Variants in LAMA4 observed in about 807,000 individuals in gnomAD.
LAMA4 encodes the protein laminin subunit alpha 4.
A neutral mutation model predicts 207.1 loss-of-function variants in LAMA4; 127 were observed. The ratio of observed to expected loss-of-function variants is 0.61; its 90% CI spans 0.53 to 0.71. The LOEUF is 0.71. Ranked by LOEUF, LAMA4 falls within the 30% of genes least tolerant of loss-of-function variation. The pLI is 0.00. For synonymous variants in LAMA4, 761 were observed against 816.0 expected (o/e 0.93, Z 1.15); for missense variants, 2,093 against 2,246.5 (o/e 0.93, Z 1.38).
chr6:112,172,479 A>G (rs1781771653), intron 12 of LAMA4, 132 bp downstream of exon 12: 1 of 830,250 alleles, frequency 1.2e-6, no homozygotes, highest in South Asian at 1.6e-5. Context: ...GCACCAAAAA[A>G]CACACCAATA....
At position 112,254,358 on chromosome 6, in the gene LAMA4, T is replaced by G. The variant is rs983608512; in HGVS notation, c.-141-67A>C. On this transcript the variant is annotated intron_variant, in intron 1 of 38. Coordinates refer to ENST00000230538, the MANE Select transcript of LAMA4 (RefSeq NM_001105206.3). ...CAGCCTCTCTCTCCCTCTCTCTCTC[T>G]CCCCTTCTCCCCCTCTCTCTCCCTC... 24 of 606,986 alleles carry G rather than the reference T, an allele frequency of 4.0e-5. No homozygotes were observed. In the African/African-American group the frequency reaches 4.4e-4, roughly 11 times the overall value. 37.6% of individuals were successfully genotyped at this position (606,986 alleles called of 1,614,324 possible). A position where few individuals can be genotyped will look rare whatever the true frequency, so the allele number is the denominator to read the frequency against.
chr6:112,140,878 C>T lies in LAMA4; in HGVS notation c.2858G>A (p.Ser953Asn), dbSNP rs782211121. 1 of 1,613,846 alleles carries T rather than the reference C, an allele frequency of 6.2e-7. No homozygotes were observed. Among genetic ancestry groups the T allele is most frequent in the African/African-American group, 1.3e-5 (1 of 74,900 alleles). The change falls in exon 22 of 39, where the codon AGT (serine) becomes AAT (asparagine). Residue 953 changes from serine (S) to asparagine (N), a missense_variant. This residue lies in a region of LAMA4 where 1,704 missense variants were observed against 1,788.4 expected (regional missense o/e 0.95). Transcript: ENST00000230538. ...AATGAACTTTTCCTCTGCTGTGCTA[C>T]TTAGACTCGGGACTGTTAAAAACAC... ...GKVFLTVPSL[S>N]STAEEKFIKK...
At chr6:112,224,123 A>C (rs1351128194) in intron 2 of LAMA4, among the ~76,000 whole-genome samples, 1 of 152,154 alleles carries the variant, frequency 6.6e-6, no homozygotes, top group Non-Finnish European at 1.5e-5. Context: ...GCACTTTCAC[A>C]TCCACAGGGA....
intron 13 of LAMA4, among the ~76,000 whole-genome samples, chr6:112,161,022 C>A (rs1017478356): frequency 6.6e-5 from 10 of 152,298 alleles, no homozygotes; most frequent in African/African-American, 1.9e-4. Context: ...ATGGTCTAAT[C>A]TTGACCAACT....
intron 24 of LAMA4, among the ~76,000 whole-genome samples, chr6:112,137,238 T>C (rs992288459): frequency 7.9e-5 from 12 of 152,134 alleles, no homozygotes; most frequent in Admixed American, 7.2e-4. Context: ...AAATAAAGCA[T>C]TGTGGCAAGG....
At chr6:112,114,549 G>A in intron 37 of LAMA4, 114 bp downstream of exon 37, 3 of 776,708 alleles carry the variant, frequency 3.9e-6, no homozygotes, top group Non-Finnish European at 6.9e-6. Context: ...TTCTTTTCTT[G>A]GATACTTTTA....
intron 36 of LAMA4, 67 bp from the exon 37 acceptor site, chr6:112,114,823 A>G (rs1777916399): frequency 9.0e-7 from 1 of 1,114,122 alleles, no homozygotes; most frequent in Non-Finnish European, 1.4e-6. Flanking sequence ...AATTTCTTAA[A>G]TAATTTACCA....
At chr6:112,201,547 G>A in intron 5 of LAMA4, 61 bp downstream of exon 5, 1 of 1,311,880 alleles carries the variant, frequency 7.6e-7, no homozygotes. Context: ...GAGCTGTTGA[G>A]TGTGAGAAAC....
At chr6:112,199,628 C>T (rs1204636243) in intron 5 of LAMA4, among the ~76,000 whole-genome samples, 1 of 152,114 alleles carries the variant, frequency 6.6e-6, no homozygotes, top group African/African-American at 2.4e-5. Flanking sequence ...GCTCGCTTTC[C>T]CTCTTATGGC....
chr6:112,145,014 A>G lies in LAMA4; in HGVS notation c.2354-81T>C. On this transcript the variant is annotated intron_variant, in intron 18 of 38. Coordinates refer to ENST00000230538, the MANE Select transcript of LAMA4 (RefSeq NM_001105206.3). ...AATCAGATGTAGACAATAAACATGG[A>G]TTACATATGGTAGAACTAAGAGAAA... 7.2e-6 allele frequency: 9 copies of G among 1,242,822 alleles called. No homozygotes were observed. The South Asian group carries it at 1.0e-4, about 14-fold the overall frequency. 77.0% of individuals were successfully genotyped at this position (1,242,822 alleles called of 1,614,324 possible).
rs782785024 is a variant in LAMA4 at position 112,224,813 on chromosome 6, CAA to C, written c.196-8346_196-8345del. Among the ~76,000 whole-genome samples the C allele has an allele frequency of 6.6e-3, 447 of 67,976 alleles. 1 individual carries two copies. Among genetic ancestry groups the C allele is most frequent in the Middle Eastern group, 0.032 (4 of 124 alleles). The allele number at this position is 67,976 out of a possible 152,430, so 44.6% of individuals were successfully genotyped here. On this transcript the variant is annotated intron_variant, in intron 2 of 38. Coordinates refer to ENST00000230538, the MANE Select transcript of LAMA4 (RefSeq NM_001105206.3). ...CCTGGGCGACAGAGCAAGACTGTCT[CAA>C]AAAAAAAAAAAAAAAAAAAGCAAAC...
At chr6:112,178,061 G>A (rs1485881105) in intron 10 of LAMA4, 60 bp downstream of exon 10, 1 of 1,168,248 alleles carries the variant, frequency 8.6e-7, no homozygotes, top group Non-Finnish European at 1.3e-6. Flanking sequence ...TATGCCTACT[G>A]ATGTTAATAA....
chr6:112,241,104 TATATATATATGA>T lies in LAMA4; in HGVS notation c.195+12840_195+12851del, dbSNP rs1173522737. 1.0e-4 allele frequency among the ~76,000 whole-genome samples: 10 copies of T among 96,150 alleles called. 1 individual carries two copies. The South Asian group carries it at 1.1e-3, about 11-fold the overall frequency. 63.1% of individuals were successfully genotyped at this position (96,150 alleles called of 152,430 possible). A position where few individuals can be genotyped will look rare whatever the true frequency, so the allele number is the denominator to read the frequency against. On this transcript the variant is annotated intron_variant, in intron 2 of 38. Coordinates refer to ENST00000230538, the MANE Select transcript of LAMA4 (RefSeq NM_001105206.3). ...GCATAGCTGGAGTCACATGAATATA[TATATATATATGA>T]ATATATATATGAATATATAGGAATA...
At chr6:112,168,067 G>A (rs1781491154) in intron 12 of LAMA4, among the ~76,000 whole-genome samples, 1 of 151,764 alleles carries the variant, frequency 6.6e-6, no homozygotes, top group Non-Finnish European at 1.5e-5. Context: ...GCGTGGTGGC[G>A]GGTGCCTGTA....
In LAMA4 at chr6:112,155,630, T is replaced by C; in HGVS notation, c.1894A>G (p.Asn632Asp). The change falls in exon 15 of 39, where the codon AAT becomes GAT. Residue 632 changes from asparagine (N) to aspartate (D), a missense_variant. Asn to Asp is a conservative substitution (Grantham distance 23, BLOSUM62 1). Transcript: ENST00000230538. ...GTTTCATTGGCTTCACTAACATAATTAACAATATTTTCATAGACATTTGAT... is the reference window on the plus strand; with the variant it reads ...GTTTCATTGGCTTCACTAACATAATCAACAATATTTTCATAGACATTTGAT... ...DASNVYENIV[N>D]YVSEANETAE... The C allele has an allele frequency of 3.1e-6, 5 of 1,614,032 alleles. No individual in the cohort carries two copies. Among genetic ancestry groups the C allele is most frequent in the Non-Finnish European group, 4.2e-6 (5 of 1,179,906 alleles).
rs868935107 is a variant in LAMA4, at chr6:112,188,223, C to A, written c.815-622G>T. 2.6e-5 allele frequency among the ~76,000 whole-genome samples: 4 copies of A among 152,254 alleles called. No individual in the cohort carries two copies. The Middle Eastern group carries it at 0.01, about 388-fold the overall frequency. On this transcript the variant is annotated intron_variant, in intron 7 of 38. Transcript: ENST00000230538. Reference sequence around the variant, plus strand: ...TAGAGACGTGATAAAGGGAGACTGGCGTGTTAATGGTTGTTAATATGTTAA... The same window carrying A: ...TAGAGACGTGATAAAGGGAGACTGGAGTGTTAATGGTTGTTAATATGTTAA...
intron 2 of LAMA4, among the ~76,000 whole-genome samples, chr6:112,251,839 AT>A (rs1227685585): frequency 6.6e-6 from 1 of 152,220 alleles, no homozygotes; most frequent in Non-Finnish European, 1.5e-5. Flanking sequence ...AATGACTAAT[AT>A]CTTCTTTCTG....
chr6:112,188,232 G>T (rs567556880), intron 7 of LAMA4, among the ~76,000 whole-genome samples: 4 of 152,166 alleles, frequency 2.6e-5, no homozygotes, highest in Admixed American at 6.5e-5. Flanking sequence ...GCGTGTTAAT[G>T]GTTGTTAATA....
rs782019593 is a variant in LAMA4, at chr6:112,134,461, C to A, written c.3557+6G>T. 9.3e-6 allele frequency: 15 copies of A among 1,613,320 alleles called. No individual in the cohort carries two copies. Among genetic ancestry groups the A allele is most frequent in the Non-Finnish European group, 1.3e-5 (15 of 1,179,522 alleles). On this transcript the variant is annotated splice_donor_region_variant and intron_variant, in intron 26 of 38. Coordinates refer to ENST00000230538, the MANE Select transcript of LAMA4 (RefSeq NM_001105206.3). The stretch of plus-strand genomic sequence containing the variant: ...GAACAAACAGCTACTTAACAAAAAG[C>A]CTTACCTGGATTGTAAGATTTCTGG...
Sources: allele counts gnomAD v4.1 joint callset (sites outside exome capture counted in the v4.1 genomes callset), GRCh38; gene constraint gnomAD v4.1.1; regional missense constraint gnomAD v4.1.1; transcripts MANE v1.5; gene names NCBI Gene and HGNC (gene_info 2026-07-23, HGNC 2026-07-21).